The following SBF2 variants were observed in gnomAD, a reference collection of about 807,000 sequenced individuals.
SBF2 encodes myotubularin-related protein 13.
In SBF2, 112 loss-of-function variants were observed where a neutral mutation model predicts 225.2. The ratio of observed to expected loss-of-function variants is 0.50; its 90% CI spans 0.43 to 0.58. SBF2 has a LOEUF of 0.58. Ranked by LOEUF, SBF2 falls within the 20% of genes least tolerant of loss-of-function variation. The pLI, the probability that SBF2 is intolerant of heterozygous loss-of-function variation, is 0.00. For synonymous variants in SBF2, 763 were observed against 773.3 expected, an observed-to-expected ratio of 0.99 and a Z score of 0.22; for missense variants, 1,996 against 2,206.2, an observed-to-expected ratio of 0.90 and a Z score of 1.91.
chr11:10,217,966 C>T (rs532307463), intron 1 of SBF2, among the ~76,000 whole-genome samples: 1 of 151,916 alleles, frequency 6.6e-6, no homozygotes, highest in Non-Finnish European at 1.5e-5. Context: ...GTGGCGCGAT[C>T]TCAGCTCACT....
In SBF2 at chr11:9,816,928, G is replaced by T. The variant is rs1854486007; in HGVS notation, c.3890C>A (p.Ala1297Asp). The change falls in exon 29 of 40, where the codon GCC (alanine) becomes GAC (aspartate). Residue 1297 changes from alanine (A) to aspartate (D), a missense_variant. Transcript: ENST00000256190. The part of the protein sequence containing the change: ...GARLAGKDHS[A>D]SFSNSSYLQN... ...TAGGTAGCTGCTGTTACTGAAGGAGGCCGAGTGATCCTTGCCTGCCAGCCG... is the reference window on the plus strand; with the variant it reads ...TAGGTAGCTGCTGTTACTGAAGGAGTCCGAGTGATCCTTGCCTGCCAGCCG... 6.2e-7 allele frequency: 1 copy of T among 1,614,050 alleles called. No homozygotes were observed. Among genetic ancestry groups the T allele is most frequent in the Admixed American group, 1.7e-5 (1 of 60,004 alleles).
intron 6 of SBF2, among the ~76,000 whole-genome samples, chr11:10,027,920 T>C (rs61877045): frequency 0.18 from 27,312 of 152,082 alleles, 2,588 homozygotes; most frequent in East Asian, 0.27. Context: ...TATTCATCTT[T>C]TAGCATAAAG....
At chr11:9,781,388 A>T in intron 39 of SBF2, 119 bp downstream of exon 39, 1 of 1,323,718 alleles carries the variant, frequency 7.6e-7, no homozygotes, top group Non-Finnish European at 1.1e-6. Flanking sequence ...TCCCATAGCC[A>T]AGGGGGTCTG....
chr11:10,247,984 A>C (rs1959973842), intron 1 of SBF2, among the ~76,000 whole-genome samples: 1 of 152,232 alleles, frequency 6.6e-6, no homozygotes, highest in Non-Finnish European at 1.5e-5. Context: ...AAATGTCTTC[A>C]AAAGTGTAAA....
chr11:10,053,022 T>C (rs959603171), intron 2 of SBF2, among the ~76,000 whole-genome samples: 2 of 151,940 alleles, frequency 1.3e-5, no homozygotes, highest in Non-Finnish European at 2.9e-5. Context: ...TGTATGTATG[T>C]GTGTGTGTGT....
At position 9,807,226 on chromosome 11, in the gene SBF2, C is replaced by A. The variant is rs77162646; in HGVS notation, c.4443+774G>T. Among the ~76,000 whole-genome samples the A allele has an allele frequency of 2.6e-3, 400 of 152,304 alleles. 3 individuals are homozygous for A. The highest frequency in any genetic ancestry group is 9.2e-3 in the African/African-American group (382 of 41,562). On this transcript the variant is annotated intron_variant, in intron 32 of 39. Transcript: ENST00000256190. ...CAGTCTTCAACTTGCAAGCTCAGTG[C>A]CATCCAATTCTCAAACCCAATCCTG...
intron 6 of SBF2, among the ~76,000 whole-genome samples, chr11:10,005,200 T>C (rs766569143): frequency 6.6e-5 from 10 of 152,216 alleles, no homozygotes; most frequent in Non-Finnish European, 1.5e-4. Flanking sequence ...CTCATGCCTG[T>C]GTAGTTAAGA....
At chr11:10,261,133 G>A (rs1424295935) in intron 1 of SBF2, among the ~76,000 whole-genome samples, 1 of 152,068 alleles carries the variant, frequency 6.6e-6, no homozygotes, top group Non-Finnish European at 1.5e-5. Flanking sequence ...CCTCAAAATG[G>A]CTAAAATCAA....
chr11:9,917,340 T>C (rs1185572947), intron 16 of SBF2, among the ~76,000 whole-genome samples: 1 of 151,696 alleles, frequency 6.6e-6, no homozygotes, highest in Non-Finnish European at 1.5e-5. Flanking sequence ...TTTGTTTTTG[T>C]TTTTGTTTTG....
chr11:10,212,971 C>T (rs892784152), intron 1 of SBF2, among the ~76,000 whole-genome samples: 2 of 152,084 alleles, frequency 1.3e-5, no homozygotes, highest in African/African-American at 4.8e-5. Context: ...ATCGCTTGAA[C>T]CCGGGAGGCG....
At chr11:10,118,733 T>C (rs1953286457) in intron 2 of SBF2, among the ~76,000 whole-genome samples, 1 of 152,034 alleles carries the variant, frequency 6.6e-6, no homozygotes, top group South Asian at 2.1e-4. Flanking sequence ...TGAGTTAAAA[T>C]TTCTAAAATT....
intron 16 of SBF2, among the ~76,000 whole-genome samples, chr11:9,955,119 A>T (rs1866078539): frequency 6.6e-6 from 1 of 152,044 alleles, no homozygotes; most frequent in South Asian, 2.1e-4. Flanking sequence ...TTCAAATTAT[A>T]AAAGTAATAC....
At chr11:10,212,342 T>C (rs79815472) in intron 1 of SBF2, among the ~76,000 whole-genome samples, 11,127 of 152,264 alleles carry the variant, frequency 0.073, 590 homozygotes, top group East Asian at 0.28. Context: ...CTGGGAATTA[T>C]CATTAGCTCA....
At chr11:10,194,664 C>T (rs926074555) in intron 1 of SBF2, among the ~76,000 whole-genome samples, 16 of 152,298 alleles carry the variant, frequency 1.1e-4, no homozygotes, top group South Asian at 4.1e-4. Context: ...GCACCCACCA[C>T]CATGCCCAGG....
intron 3 of SBF2, among the ~76,000 whole-genome samples, chr11:10,035,552 T>G (rs1949403137): frequency 6.6e-6 from 1 of 152,056 alleles, no homozygotes; most frequent in Admixed American, 6.5e-5. Context: ...TACAAAGGAC[T>G]TAAACAAATT....
At chr11:10,039,286 A>T (rs2134667392) in intron 3 of SBF2, among the ~76,000 whole-genome samples, 1 of 152,110 alleles carries the variant, frequency 6.6e-6, no homozygotes, top group East Asian at 1.9e-4. Context: ...AAAGGGACAT[A>T]AACAGTTCAT....
At chr11:9,906,014 C>T (rs938705278) in intron 16 of SBF2, among the ~76,000 whole-genome samples, 6 of 152,090 alleles carry the variant, frequency 3.9e-5, no homozygotes, top group Non-Finnish European at 8.8e-5. Flanking sequence ...AGGTCTCCAT[C>T]CTCTCTATGG....
intron 28 of SBF2, among the ~76,000 whole-genome samples, chr11:9,821,675 T>C (rs1854764903): frequency 1.3e-5 from 2 of 152,182 alleles, no homozygotes; most frequent in Non-Finnish European, 2.9e-5. Flanking sequence ...CTCTAATAGG[T>C]CAAATCAGTA....
chr11:10,297,583 A>C (rs1352639742), upstream of SBF2, among the ~76,000 whole-genome samples: 2 of 152,268 alleles, frequency 1.3e-5, no homozygotes, highest in African/African-American at 4.8e-5. Context: ...TTACCTTTTA[A>C]ATGTCTTGGC....
Sources: gnomAD v4.1 joint callset for allele counts (sites outside exome capture counted in the v4.1 genomes callset) on GRCh38, gnomAD v4.1.1 for gene constraint, MANE v1.5 for transcripts, NCBI Gene and HGNC (gene_info 2026-07-23, HGNC 2026-07-21) for gene names.